The following ZNF549 variants were observed in gnomAD, a reference collection of about 807,000 sequenced individuals.
ZNF549 encodes zinc finger protein 549.
A neutral mutation model predicts 11.1 loss-of-function variants in ZNF549; 11 were observed. That is an observed-to-expected ratio of 0.99 (90% CI 0.62 to 1.64). The LOEUF is 1.64. Ranked by LOEUF, ZNF549 falls within the 40% of genes most tolerant of loss-of-function variation. The probability of loss-of-function intolerance (pLI) is 0.00; values close to 1 mark genes in which losing one functional copy is unlikely to be tolerated. For missense variants in ZNF549, 748 were observed against 765.1 expected (o/e 0.98, Z 0.26); for synonymous variants, 266 against 269.1 (o/e 0.99, Z 0.11).
chr19:57,532,965 C>T (rs1007467545), intron 2 of ZNF549, among the ~76,000 whole-genome samples: 1 of 152,198 alleles, frequency 6.6e-6, no homozygotes, highest in South Asian at 2.1e-4. Flanking sequence ...CTGCCTCAAC[C>T]TCCCGAGTGG....
At chr19:57,529,827 A>G (rs1032698972) in intron 1 of ZNF549, among the ~76,000 whole-genome samples, 1 of 152,202 alleles carries the variant, frequency 6.6e-6, no homozygotes, top group South Asian at 2.1e-4. Flanking sequence ...CAGAGCTTGC[A>G]GTGAGCCGAG....
At chr19:57,529,686 A>G (rs10412182) in intron 1 of ZNF549, among the ~76,000 whole-genome samples, 128 of 152,204 alleles carry the variant, frequency 8.4e-4, no homozygotes, top group African/African-American at 2.7e-3. Context: ...GGAGATCGAG[A>G]CCATCCTGGC....
intron 3 of ZNF549, among the ~76,000 whole-genome samples, chr19:57,536,829 C>T (rs1053729302): frequency 1.1e-4 from 17 of 152,150 alleles, no homozygotes; most frequent in Non-Finnish European, 5.9e-5. Context: ...ATGGCTCGTG[C>T]CTATAATCCT....
chr19:57,535,254 G>C lies in ZNF549; in HGVS notation c.183G>C (p.Ser61=). 1 of 1,613,858 alleles carries C rather than the reference G, an allele frequency of 6.2e-7. No homozygotes were observed. Among genetic ancestry groups the C allele is most frequent in the Non-Finnish European group, 8.5e-7 (1 of 1,179,824 alleles). The part of the protein sequence containing the change: ...LYHDVMLENF[S]LMASVGCLHG... Reference sequence around the variant, plus strand: ...ATGATGTGATGCTGGAGAACTTTTCGCTTATGGCCTCAGTAGGTAAGATCT... The same window carrying C: ...ATGATGTGATGCTGGAGAACTTTTCCCTTATGGCCTCAGTAGGTAAGATCT... The change falls in exon 3 of 4, where the codon TCG becomes TCC. Residue 61 remains serine (S), a synonymous_variant. Coordinates refer to ENST00000376233, the MANE Select transcript of ZNF549 (RefSeq NM_001199295.2).
Position 57,539,165 on chromosome 19 carries a change from A to G in ZNF549, c.*238A>G, listed in dbSNP as rs1279224583. The G allele has an allele frequency of 4.1e-6, 2 of 483,518 alleles. No homozygotes were observed. Among genetic ancestry groups the G allele is most frequent in the Admixed American group, 6.9e-5 (2 of 28,982 alleles). 30.0% of individuals were successfully genotyped at this position (483,518 alleles called of 1,614,324 possible). ...TCCTCACCGTTTTCATCAGTCACTC[A>G]CATGTGCTCAAGGAATGCAGACCAC... On this transcript the variant is annotated 3_prime_UTR_variant, in exon 4 of 4. Coordinates refer to ENST00000376233, the MANE Select transcript of ZNF549 (RefSeq NM_001199295.2).
intron 1 of ZNF549, among the ~76,000 whole-genome samples, chr19:57,529,930 G>T (rs1391160787): frequency 2.6e-5 from 4 of 151,218 alleles, no homozygotes; most frequent in African/African-American, 7.3e-5. Flanking sequence ...ATAAATAAAG[G>T]ATGGTGCACT....
At chr19:57,529,230 A>G (rs1419380521) in intron 1 of ZNF549, among the ~76,000 whole-genome samples, 1 of 152,236 alleles carries the variant, frequency 6.6e-6, no homozygotes, top group Non-Finnish European at 1.5e-5. Flanking sequence ...ATGTCTGAAC[A>G]GTAGTTCCCC....
At position 57,535,206 on chromosome 19, in the gene ZNF549, T is replaced by A; in HGVS notation, c.135T>A (p.Asp45Glu). The change falls in exon 3 of 4, where the codon GAT becomes GAA. Residue 45 changes from aspartate to glutamate, a missense_variant. Coordinates refer to ENST00000376233, the MANE Select transcript of ZNF549 (RefSeq NM_001199295.2). Reference sequence around the variant, plus strand: ...CCCAGGAGGAGTGGGGCCTCCTTGATGAAGCTCAAAGGTGCCTGTATCATG... The same window carrying A: ...CCCAGGAGGAGTGGGGCCTCCTTGAAGAAGCTCAAAGGTGCCTGTATCATG... ...YFSQEEWGLLDEAQRCLYHDV... is the reference protein window; with the variant it reads ...YFSQEEWGLLEEAQRCLYHDV... 6.2e-7 allele frequency: 1 copy of A among 1,614,152 alleles called. No individual in the cohort carries two copies. Among genetic ancestry groups the A allele is most frequent in the Non-Finnish European group, 8.5e-7 (1 of 1,179,996 alleles).
chr19:57,529,135 G>A (rs1405781633), intron 1 of ZNF549, among the ~76,000 whole-genome samples: 2 of 152,210 alleles, frequency 1.3e-5, no homozygotes, highest in African/African-American at 4.8e-5. Flanking sequence ...TGTTACAGTT[G>A]CTGACAGTAT....
intron 3 of ZNF549, 50 bp from the exon 4 acceptor site, chr19:57,537,154 C>T (rs749418887): frequency 9.6e-6 from 15 of 1,558,160 alleles, no homozygotes; most frequent in African/African-American, 1.4e-5. Context: ...TGGAGCTGTT[C>T]CCTTCTACCA....
intron 1 of ZNF549, among the ~76,000 whole-genome samples, chr19:57,529,630 T>TA (rs1247800261): frequency 1.3e-5 from 2 of 152,210 alleles, no homozygotes; most frequent in African/African-American, 4.8e-5. Context: ...CTCACACCTG[T>TA]AATCCCAGCA....
chr19:57,527,384 G>T lies in ZNF549; in HGVS notation c.-190G>T, dbSNP rs771086446. On this transcript the variant is annotated 5_prime_UTR_variant, in exon 1 of 4. Coordinates refer to ENST00000376233, the MANE Select transcript of ZNF549 (RefSeq NM_001199295.2). ...TTTGCTGCCTGCGAGCGCGTCCGCG[G>T]GCTGGGCGTTTCCGGCTCGCTGGGT... is the stretch of plus-strand genomic sequence containing the variant. 4.8e-5 allele frequency: 37 copies of T among 763,850 alleles called. No individual in the cohort carries two copies. The Middle Eastern group carries it at 1.1e-3, about 23-fold the overall frequency. The allele number at this position is 763,850 out of a possible 1,614,324, so 47.3% of individuals were successfully genotyped here. A position where few individuals can be genotyped will look rare whatever the true frequency, so the allele number is the denominator to read the frequency against.
rs764318505 is a variant in ZNF549 at position 57,535,404 on chromosome 19, T to C, written c.199+134T>C. 7.9e-5 allele frequency: 105 copies of C among 1,326,294 alleles called. No individual in the cohort carries two copies. In the African/African-American group the frequency reaches 1.4e-3, roughly 18 times the overall value. The allele number at this position is 1,326,294 out of a possible 1,614,324, so 82.2% of individuals were successfully genotyped here. A position where few individuals can be genotyped will look rare whatever the true frequency, so the allele number is the denominator to read the frequency against. On this transcript the variant is annotated intron_variant, in intron 3 of 3. Transcript: ENST00000376233. ...CTTGGTTCTTGACCTGTGGAAGACA[T>C]AGGCGTTGTGGTTGCCAGGCCTGGG...
At position 57,538,488 on chromosome 19, in the gene ZNF549, A is replaced by G. The variant is rs201194569; in HGVS notation, c.1484A>G (p.His495Arg). The G allele has an allele frequency of 7.4e-6, 12 of 1,614,074 alleles. No individual in the cohort carries two copies. Among genetic ancestry groups the G allele is most frequent in the South Asian group, 1.1e-5 (1 of 91,082 alleles). Residue 495 changes from histidine to arginine, a missense_variant, in exon 4 of 4, where the codon CAC becomes CGC. Physicochemically the swap from His to Arg is conservative, Grantham distance 29 (BLOSUM62 0). Transcript: ENST00000376233. ...ACACTTCTTAAGCATCACAAAATCC[A>G]CACTAGAGAAAGGCCTTATGAATGC... Reference protein sequence around the residue: ...KQTLLKHHKIHTRERPYECSE... With the variant: ...KQTLLKHHKIRTRERPYECSE...
At chr19:57,535,367 C>T in intron 3 of ZNF549, 97 bp downstream of exon 3, 1 of 1,480,510 alleles carries the variant, frequency 6.8e-7, no homozygotes, top group African/African-American at 1.4e-5. Flanking sequence ...GGACATGGGC[C>T]CTTCTTCTTT....
chr19:57,534,036 T>C lies in ZNF549; in HGVS notation c.73-1108T>C, dbSNP rs1165936388. 2.0e-5 allele frequency among the ~76,000 whole-genome samples: 3 copies of C among 152,202 alleles called. No homozygotes were observed. In the East Asian group the frequency reaches 5.8e-4, roughly 29 times the overall value. On this transcript the variant is annotated intron_variant, in intron 2 of 3. Transcript: ENST00000376233. ...GTGGAGTTCAGGGAAGGGATCCAAGTGAAAGCTATCCGTCAGCCAGTGGCT... is the reference window on the plus strand; with the variant it reads ...GTGGAGTTCAGGGAAGGGATCCAAGCGAAAGCTATCCGTCAGCCAGTGGCT...
chr19:57,535,306 T>A (rs1433535623), intron 3 of ZNF549, 36 bp downstream of exon 3: 4 of 1,591,560 alleles, frequency 2.5e-6, no homozygotes, highest in Non-Finnish European at 3.4e-6. Flanking sequence ...CAACCTCTGC[T>A]GGACTCTGCT....
rs757604500 is a variant in ZNF549 at position 57,538,837 on chromosome 19, G to T, written c.1833G>T (p.Lys611Asn). 6.2e-7 allele frequency: 1 copy of T among 1,613,770 alleles called. No individual in the cohort carries two copies. ...VEHQRIHTGEKPYECGKCGKA... is the reference protein window; with the variant it reads ...VEHQRIHTGENPYECGKCGKA... Reference sequence around the variant, plus strand: ...ATCAGCGAATCCACACCGGAGAAAAGCCGTATGAATGTGGTAAATGTGGGA... The same window carrying T: ...ATCAGCGAATCCACACCGGAGAAAATCCGTATGAATGTGGTAAATGTGGGA... Residue 611 changes from lysine to asparagine, a missense_variant, in exon 4 of 4, where the codon AAG becomes AAT. Coordinates refer to ENST00000376233, the MANE Select transcript of ZNF549 (RefSeq NM_001199295.2).
In ZNF549 at chr19:57,538,009, T is replaced by C. The variant is rs750112661; in HGVS notation, c.1005T>C (p.Asn335=). Residue 335 remains asparagine (N), a synonymous_variant, in exon 4 of 4, where the codon AAT becomes AAC. Transcript: ENST00000376233. The part of the protein sequence containing the change: ...THNGEKPYVC[N]VCGKSFRHKQ... ...ATGGAGAAAAGCCTTATGTGTGCAA[T>C]GTATGTGGGAAATCATTCCGCCACA... 6 of 1,613,846 alleles carry C rather than the reference T, an allele frequency of 3.7e-6. No individual in the cohort carries two copies. The East Asian group carries it at 1.1e-4, about 30-fold the overall frequency.
Sources: gnomAD v4.1 joint callset for allele counts (sites outside exome capture counted in the v4.1 genomes callset) on GRCh38, gnomAD v4.1.1 for gene constraint, MANE v1.5 for transcripts, NCBI Gene and HGNC (gene_info 2026-07-23, HGNC 2026-07-21) for gene names.